Variants in RBFOX1 observed in about 807,000 individuals in gnomAD.
RBFOX1 encodes the protein RNA binding protein fox-1 homolog 1.
In RBFOX1, 8 loss-of-function variants were observed where a neutral mutation model predicts 57.7. The observed-to-expected ratio is 0.14, with a 90% confidence interval of 0.08 to 0.25. The LOEUF (loss-of-function observed/expected upper bound fraction) is 0.25, where lower values mean the gene tolerates loss of function less well. Ranked by LOEUF, RBFOX1 falls within the 10% of genes least tolerant of loss-of-function variation. The probability of loss-of-function intolerance (pLI) is 1.00; values close to 1 mark genes in which losing one functional copy is unlikely to be tolerated. For synonymous variants in RBFOX1, 326 were observed against 222.4 expected, an observed-to-expected ratio of 1.47 and a Z score of -4.15; for missense variants, 611 against 548.5, an observed-to-expected ratio of 1.11 and a Z score of -1.14.
At chr16:5,754,260 C>A (rs898175499) in intron 3 of RBFOX1, among the ~76,000 whole-genome samples, 1 of 152,192 alleles carries the variant, frequency 6.6e-6, no homozygotes, top group African/African-American at 2.4e-5. Flanking sequence ...TCCCTGTAAG[C>A]GTCTTGGGAG....
At chr16:6,360,505 G>T (rs756893380) in intron 2 of RBFOX1, among the ~76,000 whole-genome samples, 1 of 152,076 alleles carries the variant, frequency 6.6e-6, no homozygotes, top group Non-Finnish European at 1.5e-5. Context: ...TTTTATTATA[G>T]TTGACATTTA....
rs370032319 is a variant in RBFOX1, at chr16:5,897,485, A to G, written c.351+30150A>G. 4.6e-5 allele frequency among the ~76,000 whole-genome samples: 7 copies of G among 152,312 alleles called. No individual in the cohort carries two copies. The East Asian group carries it at 7.7e-4, about 17-fold the overall frequency. On this transcript the variant is annotated intron_variant, in intron 4 of 19. Coordinates refer to the RBFOX1 transcript ENST00000641259. ...TCATGGGAAACATATGAGTAGGATC[A>G]ATGTTATTCTCGAAAATTGGCTTTG...
At chr16:6,473,911 C>A (rs988486372) in intron 2 of RBFOX1, among the ~76,000 whole-genome samples, 6 of 152,138 alleles carry the variant, frequency 3.9e-5, no homozygotes, top group African/African-American at 1.4e-4. Context: ...CTGTCAGTTA[C>A]GAATCTAGTC....
chr16:6,168,135 C>T (rs947782912), intron 1 of RBFOX1, among the ~76,000 whole-genome samples: 1 of 152,142 alleles, frequency 6.6e-6, no homozygotes. Flanking sequence ...TTCGTTTTCC[C>T]TCAGTGCTGA....
chr16:5,708,076 C>A (rs1000402862), intron 3 of RBFOX1, among the ~76,000 whole-genome samples: 2 of 152,118 alleles, frequency 1.3e-5, no homozygotes, highest in Admixed American at 6.5e-5. Flanking sequence ...GCTGTCCATA[C>A]CAAACAAGAC....
intron 3 of RBFOX1, among the ~76,000 whole-genome samples, chr16:7,034,807 G>C (rs116146102): frequency 0.025 from 2,979 of 119,668 alleles, 113 homozygotes; most frequent in African/African-American, 0.088. Context: ...GTCTGGGGTG[G>C]AGTCTAAGAT....
intron 2 of RBFOX1, among the ~76,000 whole-genome samples, chr16:6,395,387 A>G (rs896127074): frequency 4.6e-5 from 7 of 152,226 alleles, no homozygotes; most frequent in African/African-American, 9.6e-5. Flanking sequence ...ATGCATTTTA[A>G]TAATATAGTT....
At chr16:6,664,041 T>A (rs1449846457) in intron 3 of RBFOX1, among the ~76,000 whole-genome samples, 3 of 152,210 alleles carry the variant, frequency 2.0e-5, no homozygotes, top group African/African-American at 7.2e-5. Context: ...GACTGTGATA[T>A]CACCATGAGA....
intron 2 of RBFOX1, among the ~76,000 whole-genome samples, chr16:6,343,676 C>T (rs2084904450): frequency 6.6e-6 from 1 of 152,130 alleles, no homozygotes. Context: ...TTTTGAATTG[C>T]TAGCTACTGT....
At chr16:6,575,208 C>T (rs1196422438) in intron 2 of RBFOX1, among the ~76,000 whole-genome samples, 4 of 152,094 alleles carry the variant, frequency 2.6e-5, no homozygotes, top group African/African-American at 9.7e-5. Flanking sequence ...AGTGATTTTT[C>T]TTCTGTGTCA....
At chr16:7,619,228 A>T (rs1292175196) in intron 10 of RBFOX1, among the ~76,000 whole-genome samples, 1 of 152,154 alleles carries the variant, frequency 6.6e-6, no homozygotes, top group African/African-American at 2.4e-5. Flanking sequence ...AGAAAAAAAA[A>T]ACTATTTGTA....
intron 1 of RBFOX1, among the ~76,000 whole-genome samples, chr16:5,398,421 G>A (rs1348014571): frequency 6.6e-6 from 1 of 152,094 alleles, no homozygotes; most frequent in African/African-American, 2.4e-5. Flanking sequence ...TTGTGTATCT[G>A]TAGGTACGTG....
intron 2 of RBFOX1, among the ~76,000 whole-genome samples, chr16:5,481,393 T>C (rs1460334372): frequency 6.6e-6 from 1 of 152,218 alleles, no homozygotes; most frequent in African/African-American, 2.4e-5. Context: ...AACAGGGCAT[T>C]TTGTATCTTT....
At chr16:5,745,316 C>T (rs1261217972) in intron 3 of RBFOX1, among the ~76,000 whole-genome samples, 1 of 152,156 alleles carries the variant, frequency 6.6e-6, no homozygotes, top group Non-Finnish European at 1.5e-5. Context: ...TGTATATGTG[C>T]CACAATTTCT....
chr16:6,158,076 G>C (rs575904190), intron 1 of RBFOX1, among the ~76,000 whole-genome samples: 1 of 152,120 alleles, frequency 6.6e-6, no homozygotes, highest in Non-Finnish European at 1.5e-5. Flanking sequence ...ACTAGGAGCG[G>C]GGAGATTCCC....
chr16:6,146,339 T>C (rs2152712710), intron 1 of RBFOX1, among the ~76,000 whole-genome samples: 2 of 152,304 alleles, frequency 1.3e-5, no homozygotes, highest in South Asian at 4.2e-4. Context: ...CAATGGGTGA[T>C]AATGGAAAGT....
chr16:6,915,399 C>T (rs56198696), intron 3 of RBFOX1, among the ~76,000 whole-genome samples: 26 of 152,196 alleles, frequency 1.7e-4, no homozygotes, highest in African/African-American at 6.0e-4. Flanking sequence ...CATGTCACTT[C>T]TGAACTGTTT....
chr16:6,497,373 C>G (rs1035044681), intron 2 of RBFOX1, among the ~76,000 whole-genome samples: 10 of 152,086 alleles, frequency 6.6e-5, no homozygotes, highest in African/African-American at 2.2e-4. Flanking sequence ...CAGACTTTCT[C>G]TAAAAGTTCT....
At chr16:7,165,963 C>CACACACATACAT (rs1251061172) in intron 4 of RBFOX1, among the ~76,000 whole-genome samples, 41 of 76,134 alleles carry the variant, frequency 5.4e-4, no homozygotes, top group East Asian at 1.5e-3. Flanking sequence ...CACACACACA[C>CACACACATACAT]ACATACATAC....
Sources: allele counts gnomAD v4.1 joint callset (sites outside exome capture counted in the v4.1 genomes callset), GRCh38; gene constraint gnomAD v4.1.1; transcripts MANE v1.5; gene names NCBI Gene and HGNC (gene_info 2026-07-23, HGNC 2026-07-21).